Variants in OSBP2 observed in about 807,000 individuals in gnomAD.
OSBP2 encodes the protein oxysterol-binding protein 2.
In OSBP2, 66 loss-of-function variants were observed where a neutral mutation model predicts 96.0. That is an observed-to-expected ratio of 0.69 (90% CI 0.56 to 0.84). OSBP2 has a LOEUF of 0.84. Among genes scored for constraint, OSBP2 ranks in the 40% least tolerant of loss-of-function variants. The pLI, the probability that OSBP2 is intolerant of heterozygous loss-of-function variation, is 0.00. For missense variants in OSBP2, 1,038 were observed against 1,222.7 expected, an observed-to-expected ratio of 0.85 and a Z score of 2.25; for synonymous variants, 525 against 520.9, an observed-to-expected ratio of 1.01 and a Z score of -0.11.
intron 1 of OSBP2, among the ~76,000 whole-genome samples, chr22:30,725,547 A>AAAAC (rs2089633382): frequency 6.7e-6 from 1 of 149,446 alleles, no homozygotes; most frequent in Non-Finnish European, 1.5e-5. Context: ...AACAAAAACA[A>AAAAC]AAAAAAAAAC....
chr22:30,843,009 C>A (rs961378486), intron 2 of OSBP2, among the ~76,000 whole-genome samples: 8 of 152,152 alleles, frequency 5.3e-5, no homozygotes, highest in Non-Finnish European at 1.2e-4. Context: ...GTCTCAAACT[C>A]CTTACCTCAA....
At chr22:30,801,215 C>T (rs967789563) in intron 2 of OSBP2, among the ~76,000 whole-genome samples, 2 of 151,816 alleles carry the variant, frequency 1.3e-5, no homozygotes, top group Non-Finnish European at 2.9e-5. Flanking sequence ...ACCTGGTGCT[C>T]GTGATTACTG....
intron 2 of OSBP2, among the ~76,000 whole-genome samples, chr22:30,866,516 GA>G (rs2147099892): frequency 6.6e-6 from 1 of 152,202 alleles, no homozygotes; most frequent in African/African-American, 2.4e-5. Flanking sequence ...AAGGCAGGCG[GA>G]TCACAGGTCA....
At chr22:30,742,484 T>G (rs2089952310) in intron 2 of OSBP2, among the ~76,000 whole-genome samples, 1 of 152,134 alleles carries the variant, frequency 6.6e-6, no homozygotes, top group Non-Finnish European at 1.5e-5. Flanking sequence ...TGAGGTCTTG[T>G]CTTTGACTCC....
chr22:30,740,635 A>G (rs1239321744), intron 1 of OSBP2, among the ~76,000 whole-genome samples: 2 of 152,000 alleles, frequency 1.3e-5, no homozygotes, highest in Non-Finnish European at 2.9e-5. Context: ...GATCTCTTTC[A>G]CTCTCAGTCA....
intron 2 of OSBP2, among the ~76,000 whole-genome samples, chr22:30,802,015 T>C (rs753588717): frequency 2.7e-5 from 4 of 149,926 alleles, no homozygotes; most frequent in Non-Finnish European, 5.9e-5. Flanking sequence ...ATGACAGGAG[T>C]TTCCTATTTA....
At chr22:30,763,637 GAA>G (rs136338) in intron 2 of OSBP2, among the ~76,000 whole-genome samples, 422 of 130,972 alleles carry the variant, frequency 3.2e-3, no homozygotes, top group Admixed American at 6.6e-3. Flanking sequence ...CAGAGTGACA[GAA>G]AAAAAAAAAA....
At chr22:30,694,477 C>CCCCAA, upstream of OSBP2, 2 of 1,175,136 alleles carry the variant, frequency 1.7e-6, no homozygotes, top group Non-Finnish European at 2.3e-6. Flanking sequence ...AGCGAACCCA[C>CCCCAA]CCCAGCCTGG....
At chr22:30,812,831 A>G (rs749916170) in intron 2 of OSBP2, among the ~76,000 whole-genome samples, 12 of 151,944 alleles carry the variant, frequency 7.9e-5, no homozygotes, top group Non-Finnish European at 1.3e-4. Context: ...TCCTTGCTCT[A>G]TTTTGCATTT....
Position 30,881,406 on chromosome 22 carries a change from G to A in OSBP2, c.1108-6020G>A, listed in dbSNP as rs1280273640. Among the ~76,000 whole-genome samples, 1 of 152,140 alleles carries A rather than the reference G, an allele frequency of 6.6e-6. No homozygotes were observed. Among genetic ancestry groups the A allele is most frequent in the African/African-American group, 2.4e-5 (1 of 41,422 alleles). On this transcript the variant is annotated intron_variant, in intron 3 of 13. Coordinates refer to ENST00000332585, the MANE Select transcript of OSBP2 (RefSeq NM_030758.4). This position sits in a 1 kb window ranked among gnomAD's most constrained non-coding sequence, Gnocchi z 4.5. ...AGGTACCACCTCCAGCTCCCACTAG[G>A]ACCCCTCACTCTCTTCCCCTTAAAC...
intron 2 of OSBP2, among the ~76,000 whole-genome samples, chr22:30,746,519 C>T (rs374037725): frequency 2.5e-3 from 227 of 90,158 alleles, no homozygotes; most frequent in African/African-American, 9.1e-3. Context: ...GATGGAGTTT[C>T]GCTCTTGTTG....
chr22:30,702,149 A>T (rs1247451500), intron 1 of OSBP2, among the ~76,000 whole-genome samples: 1 of 151,982 alleles, frequency 6.6e-6, no homozygotes, highest in Non-Finnish European at 1.5e-5. Context: ...CTGCCTGTAT[A>T]TCTCCTCTAG....
chr22:30,895,028 C>T (rs2040030927), intron 12 of OSBP2, among the ~76,000 whole-genome samples: 1 of 152,098 alleles, frequency 6.6e-6, no homozygotes, highest in Non-Finnish European at 1.5e-5. Context: ...ATACTGTGCA[C>T]CTAAATTAAA....
In OSBP2 at chr22:30,871,008, T is replaced by G. The variant is rs1290848971; in HGVS notation, c.1107+326T>G. Among the ~76,000 whole-genome samples, 2 of 152,236 alleles carry G rather than the reference T, an allele frequency of 1.3e-5. No homozygotes were observed. The highest frequency in any genetic ancestry group is 2.1e-4 in the South Asian group (1 of 4,826). On this transcript the variant is annotated intron_variant, in intron 3 of 13. Transcript: ENST00000332585. This position sits in a 1 kb window ranked among gnomAD's most constrained non-coding sequence, Gnocchi z 4.7. Reference sequence around the variant, plus strand: ...TAAGTAGCTAGCCCAGCAGGTCAGTTCTGCCCACACAGTAGGGACACAGCT... The same window carrying G: ...TAAGTAGCTAGCCCAGCAGGTCAGTGCTGCCCACACAGTAGGGACACAGCT...
At chr22:30,730,749 TCTCTCTC>T (rs2089743486) in intron 1 of OSBP2, among the ~76,000 whole-genome samples, 1 of 42,802 alleles carries the variant, frequency 2.3e-5, no homozygotes, top group Non-Finnish European at 4.6e-5. Context: ...TCTCTCTCTC[TCTCTCTC>T]TCTCTCTCTC....
chr22:30,865,199 C>A (rs898236994), intron 2 of OSBP2, among the ~76,000 whole-genome samples: 5 of 152,152 alleles, frequency 3.3e-5, no homozygotes, highest in African/African-American at 1.2e-4. Flanking sequence ...GAGGGGGTGC[C>A]CTGTGGCCTC....
chr22:30,901,645 A>C (rs2040198423), intron 12 of OSBP2, among the ~76,000 whole-genome samples: 1 of 151,834 alleles, frequency 6.6e-6, no homozygotes, highest in Non-Finnish European at 1.5e-5. Flanking sequence ...CCGGTGGAAC[A>C]CCTGAGGTCA....
At chr22:30,850,794 C>T (rs879674368) in intron 2 of OSBP2, among the ~76,000 whole-genome samples, 4 of 152,164 alleles carry the variant, frequency 2.6e-5, no homozygotes, top group Non-Finnish European at 5.9e-5. Context: ...GCACTGCACC[C>T]GGCCTGATTT....
At chr22:30,875,546 A>C (rs1029590552) in intron 3 of OSBP2, among the ~76,000 whole-genome samples, 6 of 151,632 alleles carry the variant, frequency 4.0e-5, no homozygotes, top group Admixed American at 3.3e-4. Flanking sequence ...CTAATTTTGT[A>C]TTTTCAATAG....
Sources: gnomAD v4.1 joint callset for allele counts (sites outside exome capture counted in the v4.1 genomes callset) on GRCh38, gnomAD v4.1.1 for gene constraint, Gnocchi (gnomAD v3.1) non-coding constraint, MANE v1.5 for transcripts, NCBI Gene and HGNC (gene_info 2026-07-23, HGNC 2026-07-21) for gene names.